SMYD3: variants seen among roughly 807,000 people sequenced by gnomAD.
SMYD3 encodes the protein SET and MYND domain containing 3.
Under a neutral mutation model 57.7 loss-of-function variants are expected in SMYD3, and 36 were observed. The observed-to-expected ratio is 0.62, with a 90% CI of 0.48 to 0.82. The LOEUF is 0.82. Ranked by LOEUF, SMYD3 falls within the 40% of genes least tolerant of loss-of-function variation. SMYD3 has a pLI of 0.00. For missense variants in SMYD3, 515 were observed against 538.8 expected, an observed-to-expected ratio of 0.96 and a Z score of 0.44; for synonymous variants, 211 against 195.0, an observed-to-expected ratio of 1.08 and a Z score of -0.68.
chr1:246,432,242 A>G (rs1447062314), intron 1 of SMYD3, among the ~76,000 whole-genome samples: 1 of 152,230 alleles, frequency 6.6e-6, no homozygotes, highest in Non-Finnish European at 1.5e-5. Context: ...AATTATATCC[A>G]TTCTTTCATT....
chr1:245,897,376 A>G (rs1343085710), intron 8 of SMYD3, among the ~76,000 whole-genome samples: 2 of 152,206 alleles, frequency 1.3e-5, no homozygotes, highest in African/African-American at 4.8e-5. Context: ...GAGTACTTTA[A>G]TTTTTCAAAC....
At chr1:246,258,774 GC>G (rs2063944177) in intron 5 of SMYD3, among the ~76,000 whole-genome samples, 1 of 152,110 alleles carries the variant, frequency 6.6e-6, no homozygotes, top group African/African-American at 2.4e-5. Flanking sequence ...TCTCTAGCAA[GC>G]TTAGGGAAAT....
intron 5 of SMYD3, among the ~76,000 whole-genome samples, chr1:246,256,174 C>G (rs1308947381): frequency 2.6e-5 from 4 of 152,052 alleles, no homozygotes; most frequent in Non-Finnish European, 4.4e-5. Context: ...AGGAAGCATC[C>G]AGCATGGGAG....
intron 5 of SMYD3, among the ~76,000 whole-genome samples, chr1:246,051,755 A>ATATAGGCT (rs1192005356): frequency 6.6e-6 from 1 of 152,196 alleles, no homozygotes; most frequent in Non-Finnish European, 1.5e-5. Context: ...TTCAAATAGT[A>ATATAGGCT]TATAGGCTAC....
chr1:245,798,574 G>A (rs2047701192), intron 10 of SMYD3, among the ~76,000 whole-genome samples: 1 of 150,730 alleles, frequency 6.6e-6, no homozygotes, highest in Admixed American at 6.6e-5. Flanking sequence ...CAGGAAGAAA[G>A]AGGGAAATTT....
chr1:246,064,602 A>G (rs987406641), intron 5 of SMYD3, among the ~76,000 whole-genome samples: 2 of 152,148 alleles, frequency 1.3e-5, no homozygotes, highest in African/African-American at 4.8e-5. Context: ...ATTTCAGTCT[A>G]TTTTATTGAT....
At chr1:246,232,423 C>G (rs1470360195) in intron 5 of SMYD3, among the ~76,000 whole-genome samples, 2 of 152,218 alleles carry the variant, frequency 1.3e-5, no homozygotes, top group Non-Finnish European at 2.9e-5. Flanking sequence ...ATATACCACA[C>G]AGAGGAAAGA....
chr1:246,324,217 C>T (rs1030990706), intron 5 of SMYD3, among the ~76,000 whole-genome samples: 1 of 151,972 alleles, frequency 6.6e-6, no homozygotes, highest in Non-Finnish European at 1.5e-5. Flanking sequence ...GAGATTGAGA[C>T]CAGCCTGGCC....
At chr1:246,356,650 T>G (rs1180966988) in intron 1 of SMYD3, among the ~76,000 whole-genome samples, 1 of 152,108 alleles carries the variant, frequency 6.6e-6, no homozygotes. Flanking sequence ...CAAAATGCAC[T>G]GGAAAGTCTC....
chr1:245,991,834 G>A (rs1177694243), intron 5 of SMYD3, among the ~76,000 whole-genome samples: 23 of 104,274 alleles, frequency 2.2e-4, no homozygotes, highest in Admixed American at 5.2e-4. Context: ...ACGGCCTGCC[G>A]TCATTTCTAT....
intron 10 of SMYD3, among the ~76,000 whole-genome samples, chr1:245,771,105 T>C (rs186237327): frequency 1.3e-5 from 2 of 151,904 alleles, no homozygotes; most frequent in East Asian, 3.9e-4. Flanking sequence ...CATATATACA[T>C]ACATATATAC....
In SMYD3 at chr1:246,202,664, C is replaced by T. The variant is rs1483308714; in HGVS notation, c.531+124537G>A. On this transcript the variant is annotated intron_variant, in intron 5 of 11. Coordinates refer to ENST00000490107, the MANE Select transcript of SMYD3 (RefSeq NM_001167740.2). The surrounding 1 kb of genome is among the most constrained non-coding windows in gnomAD (Gnocchi z 4.1). ...AAACAACAGTTCTTGACAACAAGGA[C>T]TTCCTGGTATCACGCTAGCTAACAA... 1.3e-5 allele frequency among the ~76,000 whole-genome samples: 2 copies of T among 152,256 alleles called. No individual in the cohort carries two copies. Among genetic ancestry groups the T allele is most frequent in the Admixed American group, 1.3e-4 (2 of 15,290 alleles).
At chr1:245,794,877 C>T (rs942250328) in intron 10 of SMYD3, among the ~76,000 whole-genome samples, 6 of 152,072 alleles carry the variant, frequency 3.9e-5, no homozygotes, top group African/African-American at 1.4e-4. Context: ...GTCCCCCAAT[C>T]CCAGTGGATA....
intron 5 of SMYD3, among the ~76,000 whole-genome samples, chr1:246,227,028 C>T (rs1251788951): frequency 2.0e-5 from 3 of 152,082 alleles, no homozygotes; most frequent in Non-Finnish European, 2.9e-5. Flanking sequence ...TTAATAAATG[C>T]TTGTGATTTT....
Position 246,471,761 on chromosome 1 carries a change from T to C in SMYD3, c.164+35293A>G, listed in dbSNP as rs573004151. On this transcript the variant is annotated intron_variant, in intron 1 of 11. Coordinates refer to ENST00000490107, the MANE Select transcript of SMYD3 (RefSeq NM_001167740.2). ...AAACACTTTATATCTTATCTATAAA[T>C]AGATCATTACATTTGCATAGAAAGA... Among the ~76,000 whole-genome samples, 8 of 152,328 alleles carry C rather than the reference T, an allele frequency of 5.3e-5. No homozygotes were observed. The East Asian group carries it at 1.5e-3, about 29-fold the overall frequency.
At chr1:246,385,261 A>G (rs1218643346) in intron 1 of SMYD3, among the ~76,000 whole-genome samples, 1 of 152,150 alleles carries the variant, frequency 6.6e-6, no homozygotes, top group Non-Finnish European at 1.5e-5. Context: ...CATTTGAGAC[A>G]GAGAACTACA....
At chr1:245,834,620 T>C (rs1290767599) in intron 10 of SMYD3, among the ~76,000 whole-genome samples, 1 of 152,156 alleles carries the variant, frequency 6.6e-6, no homozygotes, top group Non-Finnish European at 1.5e-5. Flanking sequence ...CAAATTATAA[T>C]AGACATCCTA....
intron 1 of SMYD3, among the ~76,000 whole-genome samples, chr1:246,419,719 G>A (rs777703809): frequency 3.0e-4 from 46 of 152,332 alleles, no homozygotes; most frequent in Non-Finnish European, 5.3e-4. Context: ...ACCCTATTGT[G>A]AACTGCACAT....
intron 5 of SMYD3, among the ~76,000 whole-genome samples, chr1:246,147,559 C>T (rs2061871078): frequency 6.6e-6 from 1 of 152,042 alleles, no homozygotes; most frequent in South Asian, 2.1e-4. Context: ...GCAGGGGCTC[C>T]GTGGGTGCCA....
Sources: gnomAD v4.1 joint callset for allele counts (sites outside exome capture counted in the v4.1 genomes callset) on GRCh38, gnomAD v4.1.1 for gene constraint, Gnocchi (gnomAD v3.1) non-coding constraint, MANE v1.5 for transcripts, NCBI Gene and HGNC (gene_info 2026-07-23, HGNC 2026-07-21) for gene names.